Variants in TEAD2 observed in about 807,000 individuals in gnomAD.
The protein encoded by TEAD2 is transcriptional enhancer factor TEF-4.
Under a neutral mutation model 61.4 loss-of-function variants are expected in TEAD2, and 51 were observed. The observed-to-expected ratio is 0.83, with a 90% CI of 0.66 to 1.05. TEAD2 has a LOEUF of 1.05. Ranked by LOEUF, TEAD2 falls within the 50% of genes least tolerant of loss-of-function variation. The pLI is 0.00. For missense variants in TEAD2, 509 were observed against 600.0 expected, an observed-to-expected ratio of 0.85 and a Z score of 1.58; for synonymous variants, 244 against 243.2, an observed-to-expected ratio of 1.00 and a Z score of -0.03.
At chr19:49,356,054 GCCCTACCCGCCCGCACAGCCCCGCCA>G in intron 4 of TEAD2, 84 bp from the exon 5 acceptor site, 1 of 1,086,790 alleles carries the variant, frequency 9.2e-7, no homozygotes, top group Non-Finnish European at 1.2e-6. Context: ...CCACCTCCCT[GCCCTACCCGCCCGCACAGCCCCGCCA>G]CCCTGAGCTG....
At chr19:49,355,872 C>A (rs1333799250) in intron 5 of TEAD2, 87 bp downstream of exon 5, 5 of 1,222,398 alleles carry the variant, frequency 4.1e-6, no homozygotes, top group African/African-American at 1.6e-5. Context: ...GAGGGTTGAA[C>A]CTCTCCCCAC....
At chr19:49,361,613 TCC>T (rs1972944855) in intron 1 of TEAD2, 4 of 100,644 alleles carry the variant, frequency 4.0e-5, no homozygotes, top group Admixed American at 3.1e-4. Flanking sequence ...GCCCCTCCCC[TCC>T]CCCGTGCGCC....
intron 8 of TEAD2, 54 bp downstream of exon 8, chr19:49,351,247 T>C: frequency 6.6e-7 from 1 of 1,522,594 alleles, no homozygotes; most frequent in South Asian, 1.2e-5. Flanking sequence ...GGAAAGGCAG[T>C]AGGGGTCGAA....
At chr19:49,361,587 T>TCC (rs1449364334) in intron 1 of TEAD2, 2 of 150,990 alleles carry the variant, frequency 1.3e-5, no homozygotes, top group African/African-American at 4.9e-5. Context: ...GCGACTCCCC[T>TCC]CCGGCACCGG....
chr19:49,349,662 A>G (rs990945844), intron 8 of TEAD2, among the ~76,000 whole-genome samples: 4 of 152,242 alleles, frequency 2.6e-5, no homozygotes, highest in African/African-American at 7.2e-5. Flanking sequence ...ACCATGTGAC[A>G]TAGTGGCTCC....
At chr19:49,352,161 T>G (rs980958857) in intron 7 of TEAD2, among the ~76,000 whole-genome samples, 1 of 151,950 alleles carries the variant, frequency 6.6e-6, no homozygotes, top group Non-Finnish European at 1.5e-5. Flanking sequence ...GAGGCAGCAC[T>G]GGCCAATAGA....
chr19:49,361,162 G>A (rs1257115279), intron 1 of TEAD2, among the ~76,000 whole-genome samples: 2 of 120,874 alleles, frequency 1.7e-5, no homozygotes, highest in East Asian at 2.8e-4. Flanking sequence ...GACCGGGGGG[G>A]GGGGACAGGG....
chr19:49,352,954 C>T (rs1169410601), intron 7 of TEAD2, among the ~76,000 whole-genome samples: 3 of 152,164 alleles, frequency 2.0e-5, no homozygotes, highest in African/African-American at 7.2e-5. Flanking sequence ...GCTGTGCCCC[C>T]AAACCAAGCA....
chr19:49,344,197 C>T (rs1008280948), intron 10 of TEAD2, among the ~76,000 whole-genome samples: 1 of 151,816 alleles, frequency 6.6e-6, no homozygotes, highest in African/African-American at 2.4e-5. Flanking sequence ...CGTCCATCAG[C>T]GTTGAAGAAG....
Position 49,341,031 on chromosome 19 carries a change from G to A in TEAD2, c.*293C>T, listed in dbSNP as rs1971226731. On this transcript the variant is annotated 3_prime_UTR_variant, in exon 13 of 13. Transcript: ENST00000593945. The surrounding 1 kb of genome is among the most constrained non-coding windows in gnomAD (Gnocchi z 4.2). ...AAGCCAGTGCTGTACCTGGGGGGTT[G>A]TCTCACTCCTGTCCCCACAATCCCT... The A allele has an allele frequency of 3.1e-6, 1 of 318,970 alleles. No individual in the cohort carries two copies. Among genetic ancestry groups the A allele is most frequent in the Non-Finnish European group, 5.9e-6 (1 of 168,866 alleles). The allele number at this position is 318,970 out of a possible 1,614,324, so 19.8% of individuals were successfully genotyped here.
At chr19:49,358,674 C>T (rs1251865580) in intron 3 of TEAD2, among the ~76,000 whole-genome samples, 5 of 150,506 alleles carry the variant, frequency 3.3e-5, no homozygotes, top group Admixed American at 6.6e-5. Flanking sequence ...GGCTCTGTCA[C>T]CAGGCTGGAG....
chr19:49,359,392 A>G lies in TEAD2; in HGVS notation c.297+43T>C, dbSNP rs1343810377. 1.9e-6 allele frequency: 3 copies of G among 1,597,166 alleles called. No homozygotes were observed. The highest frequency in any genetic ancestry group is 2.7e-5 in the African/African-American group (2 of 74,516). ...CCCATGCGAGGATGACCCTAAGAAGACCGGCCCATCCCAGACAGAAGCCCA... is the reference window on the plus strand; with the variant it reads ...CCCATGCGAGGATGACCCTAAGAAGGCCGGCCCATCCCAGACAGAAGCCCA... On this transcript the variant is annotated intron_variant, in intron 3 of 12. Coordinates refer to ENST00000593945, the MANE Select transcript of TEAD2 (RefSeq NM_001256660.2). The surrounding 1 kb of genome is among the most constrained non-coding windows in gnomAD (Gnocchi z 4.1).
intron 7 of TEAD2, among the ~76,000 whole-genome samples, chr19:49,353,334 A>G (rs1339822653): frequency 1.3e-5 from 2 of 151,690 alleles, no homozygotes; most frequent in African/African-American, 4.8e-5. Context: ...CCTGACCTCA[A>G]GTGATCTGCC....
chr19:49,345,217 A>C (rs764680061), intron 10 of TEAD2, among the ~76,000 whole-genome samples: 2 of 152,206 alleles, frequency 1.3e-5, no homozygotes, highest in Non-Finnish European at 2.9e-5. Flanking sequence ...CAGAACCGTG[A>C]ACAGCAAGCT....
In TEAD2 at chr19:49,359,930, A is replaced by G; in HGVS notation, c.146T>C (p.Ile49Thr). The G allele has an allele frequency of 6.2e-7, 1 of 1,612,792 alleles. No homozygotes were observed. The highest frequency in any genetic ancestry group is 8.5e-7 in the Non-Finnish European group (1 of 1,180,006). ...PDAEGVWSPD[I>T]EQSFQEALAI... ...CAGGGCCTCCTGGAAGCTCTGCTCA[A>G]TGTCTGGGCTCCACACCCCCTCTGC... Residue 49 changes from isoleucine to threonine, a missense_variant, in exon 2 of 13, where the codon ATT becomes ACT. By Grantham distance (89) the Ile-to-Thr change is moderately conservative. Coordinates refer to ENST00000593945, the MANE Select transcript of TEAD2 (RefSeq NM_001256660.2). The surrounding 1 kb of genome is among the most constrained non-coding windows in gnomAD (Gnocchi z 4.1).
Position 49,357,471 on chromosome 19 carries a change from A to T in TEAD2, c.298-157T>A, listed in dbSNP as rs561203697. 168 of 775,772 alleles carry T rather than the reference A, an allele frequency of 2.2e-4. 1 individual carries two copies. In the South Asian group the frequency reaches 2.4e-3, roughly 11 times the overall value. The allele number at this position is 775,772 out of a possible 1,614,324, so 48.1% of individuals were successfully genotyped here. On this transcript the variant is annotated intron_variant, in intron 3 of 12. Transcript: ENST00000593945. ...CCATCTCGGGAGCACCCGAACACAG[A>T]TGTCCATAAAGGAGCTCGTGAACAC...
At chr19:49,356,395 A>C (rs1418080718) in intron 4 of TEAD2, 1 of 153,780 alleles carries the variant, frequency 6.5e-6, no homozygotes, top group Non-Finnish European at 1.4e-5. Context: ...AAAAAAAAAA[A>C]AAAAACCAGA....
intron 1 of TEAD2, chr19:49,361,580 A>G (rs1237579958): frequency 2.1e-5 from 3 of 142,288 alleles, no homozygotes; most frequent in African/African-American, 7.9e-5. Context: ...GGCCAGGGCG[A>G]CTCCCCTCCG....
At chr19:49,357,405 T>G (rs1250286524) in intron 3 of TEAD2, 91 bp from the exon 4 acceptor site, 14 of 1,298,054 alleles carry the variant, frequency 1.1e-5, no homozygotes, top group Non-Finnish European at 1.5e-5. Context: ...CTCACTGAGC[T>G]GCTGGACCAT....
Sources: gnomAD v4.1 joint callset for allele counts (sites outside exome capture counted in the v4.1 genomes callset) on GRCh38, gnomAD v4.1.1 for gene constraint, Gnocchi (gnomAD v3.1) non-coding constraint, MANE v1.5 for transcripts, NCBI Gene and HGNC (gene_info 2026-07-23, HGNC 2026-07-21) for gene names.